Variants in COL6A5 observed in about 807,000 individuals in gnomAD.
COL6A5 encodes collagen alpha-5(VI) chain.
In COL6A5, 48 loss-of-function variants were observed where a neutral mutation model predicts 65.6. The observed-to-expected ratio is 0.73, with a 90% CI of 0.58 to 0.93. COL6A5 has a LOEUF of 0.93. COL6A5 is among the 40% of genes least tolerant of loss of function. The pLI, the probability that COL6A5 is intolerant of heterozygous loss-of-function variation, is 0.00. For missense variants in COL6A5, 914 were observed against 928.3 expected, an observed-to-expected ratio of 0.98 and a Z score of 0.20; for synonymous variants, 291 against 322.8, an observed-to-expected ratio of 0.90 and a Z score of 1.05.
At chr3:130,453,289 T>G (rs923545061) in intron 4 of COL6A5, among the ~76,000 whole-genome samples, 2 of 152,098 alleles carry the variant, frequency 1.3e-5, no homozygotes, top group African/African-American at 4.8e-5. Context: ...GCATAAGAAA[T>G]TATAAAAGTA....
chr3:130,445,857 C>A lies in COL6A5; in HGVS notation c.1332+2291C>A, dbSNP rs192179568. On this transcript the variant is annotated intron_variant, in intron 4 of 7. Coordinates refer to ENST00000512836, the Ensembl canonical transcript of COL6A5. Reference sequence around the variant, plus strand: ...CTTTGGTGCCCAGTCTGTTACTAAACCATGTGAGTCATTTTTTAATATTAC... The same window carrying A: ...CTTTGGTGCCCAGTCTGTTACTAAAACATGTGAGTCATTTTTTAATATTAC... Among the ~76,000 whole-genome samples the A allele has an allele frequency of 3.5e-3, 531 of 152,208 alleles. 5 individuals are homozygous for A. Among genetic ancestry groups the A allele is most frequent in the African/African-American group, 0.012 (503 of 41,532 alleles).
At chr3:130,450,600 G>A (rs1381654462) in intron 4 of COL6A5, among the ~76,000 whole-genome samples, 4 of 152,084 alleles carry the variant, frequency 2.6e-5, no homozygotes, top group East Asian at 1.9e-4. Context: ...TGGACAGAAC[G>A]CATGGCCATT....
intron 20 of COL6A5, 58 bp from the exon 21 acceptor site, chr3:130,413,486 CT>C: frequency 6.7e-7 from 1 of 1,483,370 alleles, no homozygotes; most frequent in Non-Finnish European, 9.2e-7. Context: ...GCTGATTTGC[CT>C]CAAGGAACCC....
chr3:130,402,512 A>G (rs1936850711), intron 12 of COL6A5, among the ~76,000 whole-genome samples: 1 of 152,278 alleles, frequency 6.6e-6, no homozygotes, highest in South Asian at 2.1e-4. Flanking sequence ...TGACTAAAAA[A>G]AGCAAAACAT....
chr3:130,429,178 A>G (rs1043949965), upstream of COL6A5, among the ~76,000 whole-genome samples: 4 of 152,160 alleles, frequency 2.6e-5, no homozygotes, highest in Non-Finnish European at 4.4e-5. Flanking sequence ...AGAAAATAAG[A>G]CCCCGTATTT....
intron 1 of COL6A5, 129 bp downstream of exon 33, chr3:130,432,078 G>T: frequency 1.1e-6 from 1 of 926,956 alleles, no homozygotes; most frequent in South Asian, 1.8e-5. Context: ...AGTTTTCACA[G>T]CTATATTGTT....
intron 5 of COL6A5, among the ~76,000 whole-genome samples, chr3:130,456,266 T>C (rs1181089841): frequency 1.3e-5 from 2 of 151,990 alleles, no homozygotes; most frequent in East Asian, 3.9e-4. Context: ...TTTGTAAAAA[T>C]GTAATAATTT....
chr3:130,464,694 C>T (rs960025918), intron 5 of COL6A5, among the ~76,000 whole-genome samples: 1 of 152,060 alleles, frequency 6.6e-6, no homozygotes, highest in Non-Finnish European at 1.5e-5. Context: ...CTGTGGTCTG[C>T]ACTTCTAGTT....
At chr3:130,354,671 C>G (rs1452734647) in intron 1 of COL6A5, among the ~76,000 whole-genome samples, 1 of 152,202 alleles carries the variant, frequency 6.6e-6, no homozygotes, top group Non-Finnish European at 1.5e-5. Context: ...CTTGAAGAGT[C>G]ATCTAGCCCA....
At chr3:130,444,070 T>C (rs1333045982) in intron 4 of COL6A5, among the ~76,000 whole-genome samples, 1 of 152,202 alleles carries the variant, frequency 6.6e-6, no homozygotes, top group African/African-American at 2.4e-5. Flanking sequence ...AGAAAAAGAA[T>C]TCAGCGATAT....
intron 22 of COL6A5, 105 bp downstream of exon 22, chr3:130,414,236 CT>C (rs1026163751): frequency 7.5e-6 from 7 of 931,166 alleles, no homozygotes; most frequent in Non-Finnish European, 1.2e-5. Flanking sequence ...AATCTGCCCC[CT>C]GCCCTATTTT....
chr3:130,367,157 G>A (rs1224299697), intron 1 of COL6A5, among the ~76,000 whole-genome samples: 1 of 152,160 alleles, frequency 6.6e-6, no homozygotes, highest in Non-Finnish European at 1.5e-5. Context: ...TATTTGTTTA[G>A]GTTTTAGGAG....
chr3:130,372,531 A>G (rs964279343), intron 1 of COL6A5, among the ~76,000 whole-genome samples: 2 of 152,182 alleles, frequency 1.3e-5, no homozygotes, highest in Non-Finnish European at 2.9e-5. Flanking sequence ...TAACATGGAT[A>G]AACCTTGAAA....
At chr3:130,434,794 T>C (rs948336763) in intron 1 of COL6A5, among the ~76,000 whole-genome samples, 1 of 152,218 alleles carries the variant, frequency 6.6e-6, no homozygotes, top group African/African-American at 2.4e-5. Context: ...TTTTGGGTTT[T>C]TTTCTTGCAA....
intron 5 of COL6A5, among the ~76,000 whole-genome samples, chr3:130,464,388 C>T (rs1306582518): frequency 6.6e-6 from 1 of 152,036 alleles, no homozygotes; most frequent in Non-Finnish European, 1.5e-5. Flanking sequence ...CCACCTCTGC[C>T]TCTTAAAGTG....
chr3:130,472,819 A>ATG (rs1709986602), intron 7 of COL6A5, among the ~76,000 whole-genome samples: 2 of 127,218 alleles, frequency 1.6e-5, no homozygotes, highest in African/African-American at 2.9e-5. Context: ...AAGTTTATAT[A>ATG]TGTGTGTGTA....
chr3:130,426,471 G>A (rs2107689575), upstream of COL6A5: 1 of 1,458,044 alleles, frequency 6.9e-7, no homozygotes, highest in African/African-American at 1.4e-5. Context: ...TGTATGCAGT[G>A]TGGGTATGTG....
chr3:130,385,389 T>G, intron 5 of COL6A5, 25 bp downstream of exon 5: 1 of 1,535,490 alleles, frequency 6.5e-7, no homozygotes, highest in Non-Finnish European at 8.8e-7. Flanking sequence ...AAAGGCTTTA[T>G]TCTCCACATT....
At chr3:130,403,867 G>A (rs1325754174) in intron 13 of COL6A5, among the ~76,000 whole-genome samples, 1 of 151,952 alleles carries the variant, frequency 6.6e-6, no homozygotes, top group East Asian at 1.9e-4. Context: ...CTTTTTTGTG[G>A]GAAGAAGGGT....
Sources: allele counts gnomAD v4.1 joint callset (sites outside exome capture counted in the v4.1 genomes callset), GRCh38; gene constraint gnomAD v4.1.1; transcripts MANE v1.5; gene names NCBI Gene and HGNC (gene_info 2026-07-23, HGNC 2026-07-21).